SACS: variants seen among roughly 807,000 people sequenced by gnomAD.
SACS encodes sacsin molecular chaperone.
A neutral mutation model predicts 348.0 loss-of-function variants in SACS; 197 were observed. The observed-to-expected ratio is 0.57, with a 90% CI of 0.50 to 0.64. SACS has a LOEUF of 0.64. Ranked by LOEUF, SACS falls within the 30% of genes least tolerant of loss-of-function variation. The pLI is 0.00. For missense variants in SACS, 4,999 were observed against 5,360.8 expected (o/e 0.93, Z 2.11); for synonymous variants, 1,985 against 1,910.6 (o/e 1.04, Z -1.02).
chr13:23,430,563 C>T (rs1357571538), intron 1 of SACS, among the ~76,000 whole-genome samples: 1 of 152,032 alleles, frequency 6.6e-6, no homozygotes, highest in East Asian at 1.9e-4. Context: ...AGGAAAAAGG[C>T]TAAAGTAGTA....
At chr13:23,399,987 T>C (rs1264021426) in intron 2 of SACS, among the ~76,000 whole-genome samples, 1 of 152,214 alleles carries the variant, frequency 6.6e-6, no homozygotes, top group Non-Finnish European at 1.5e-5. Flanking sequence ...CTGACTGCTA[T>C]CGGCCAGGGG....
chr13:23,340,750 T>C lies in SACS; in HGVS notation c.3126A>G (p.Ile1042Met). Reference sequence around the variant, plus strand: ...CAGCTGATACCATCTGTTCCTGTGATATCTGGATGAATTTTAATGGTGTTA... The same window carrying C: ...CAGCTGATACCATCTGTTCCTGTGACATCTGGATGAATTTTAATGGTGTTA... ...EWLTPLKFIQISQEQMVSAGE... is the reference protein window; with the variant it reads ...EWLTPLKFIQMSQEQMVSAGE... The change falls in exon 10 of 10, where the codon ATA (isoleucine) becomes ATG (methionine). Residue 1042 changes from isoleucine (I) to methionine (M), a missense_variant. Coordinates refer to ENST00000382292, the MANE Select transcript of SACS (RefSeq NM_014363.6). 1.9e-6 allele frequency: 3 copies of C among 1,604,742 alleles called. No individual in the cohort carries two copies. The highest frequency in any genetic ancestry group is 1.7e-6 in the Non-Finnish European group (2 of 1,176,338).
At chr13:23,369,824 C>T (rs566176107) in intron 4 of SACS, among the ~76,000 whole-genome samples, 7 of 149,804 alleles carry the variant, frequency 4.7e-5, no homozygotes, top group East Asian at 2.0e-4. Context: ...AGATTACAGG[C>T]GTGAGCCACC....
In SACS at chr13:23,338,408, C is replaced by A. The variant is rs967386746; in HGVS notation, c.5468G>T (p.Cys1823Phe). 8.1e-6 allele frequency: 13 copies of A among 1,614,040 alleles called. No individual in the cohort carries two copies. Among genetic ancestry groups the A allele is most frequent in the Non-Finnish European group, 1.1e-5 (13 of 1,179,974 alleles). The change falls in exon 10 of 10, where the codon TGC becomes TTC. Residue 1823 changes from cysteine to phenylalanine, a missense_variant. Coordinates refer to ENST00000382292, the MANE Select transcript of SACS (RefSeq NM_014363.6). ...VECTTWLLCT[C>F]MDTGEALKFS... is the part of the protein sequence containing the mutation. ...CTTCAGAGCCTCTCCTGTGTCCATG[C>A]AAGTACACAGAAGCCACGTGGTACA...
intron 2 of SACS, among the ~76,000 whole-genome samples, chr13:23,384,349 T>A (rs532751994): frequency 3.9e-5 from 6 of 152,350 alleles, no homozygotes; most frequent in African/African-American, 1.4e-4. Context: ...CTCTTGTATG[T>A]CACTCTGTGT....
At chr13:23,368,026 T>C (rs914903610) in intron 5 of SACS, among the ~76,000 whole-genome samples, 1 of 152,222 alleles carries the variant, frequency 6.6e-6, no homozygotes, top group East Asian at 1.9e-4. Context: ...TGGGCATGCA[T>C]TCAAGCCTCT....
At position 23,337,506 on chromosome 13, in the gene SACS, A is replaced by G. The variant is rs1272504543; in HGVS notation, c.6370T>C (p.Phe2124Leu). 2.5e-6 allele frequency: 4 copies of G among 1,613,974 alleles called. No individual in the cohort carries two copies. Among genetic ancestry groups the G allele is most frequent in the Non-Finnish European group, 2.5e-6 (3 of 1,179,906 alleles). The change falls in exon 10 of 10, where the codon TTT (phenylalanine) becomes CTT (leucine). Residue 2124 changes from phenylalanine to leucine, a missense_variant. Phe to Leu is a conservative substitution (Grantham distance 22). This residue lies in a region of SACS where 3,156 missense variants were observed against 3,380.1 expected (regional missense o/e 0.93). Coordinates refer to ENST00000382292, the MANE Select transcript of SACS (RefSeq NM_014363.6). ...IHPEGRVAKLFDIKDGRFPYG... is the reference protein window; with the variant it reads ...IHPEGRVAKLLDIKDGRFPYG... The stretch of plus-strand genomic sequence containing the variant: ...GGGAATCTCCCATCTTTAATATCAA[A>G]TAACTTTGCAACTCGTCCTTCGGGG...
chr13:23,335,005 C>A lies in SACS; in HGVS notation c.8871G>T (p.Lys2957Asn). Residue 2957 changes from lysine (K) to asparagine (N), a missense_variant, in exon 10 of 10, where the codon AAG becomes AAT. By Grantham distance (94) the Lys-to-Asn change is moderately conservative. This residue lies in a region of SACS where 734 missense variants were observed against 694.0 expected (regional missense o/e 1.06). Coordinates refer to ENST00000382292, the MANE Select transcript of SACS (RefSeq NM_014363.6). This position sits in a 1 kb window ranked among gnomAD's most constrained non-coding sequence, Gnocchi z 4.7. ...TAACTGGGAAAAACGATAAAAACTT[C>A]TTTAAAGTGTCCTTTACAACATGAA... ...TPIHVVKDTL[K>N]KFLSFFPVNR... is the part of the protein sequence containing the mutation. 1.2e-6 allele frequency: 2 copies of A among 1,613,782 alleles called. No individual in the cohort carries two copies. Among genetic ancestry groups the A allele is most frequent in the Non-Finnish European group, 1.7e-6 (2 of 1,179,772 alleles).
At chr13:23,353,097 T>C (rs1339795808) in intron 9 of SACS, among the ~76,000 whole-genome samples, 1 of 152,192 alleles carries the variant, frequency 6.6e-6, no homozygotes, top group Non-Finnish European at 1.5e-5. Flanking sequence ...AGGAAAAGGA[T>C]GCTTGCAGAA....
intron 1 of SACS, among the ~76,000 whole-genome samples, chr13:23,422,662 C>CT (rs66714128): frequency 8.4e-5 from 12 of 143,496 alleles, no homozygotes; most frequent in Non-Finnish European, 1.4e-4. Flanking sequence ...TGTGGTGTTT[C>CT]TTTTTTTTTT....
intron 9 of SACS, among the ~76,000 whole-genome samples, chr13:23,343,640 C>T (rs534534070): frequency 1.3e-5 from 2 of 152,174 alleles, no homozygotes; most frequent in South Asian, 2.1e-4. Flanking sequence ...GCCGAGATTG[C>T]GCCACTGCAC....
At chr13:23,407,024 A>T (rs776007611) in intron 2 of SACS, among the ~76,000 whole-genome samples, 1 of 152,150 alleles carries the variant, frequency 6.6e-6, no homozygotes, top group Non-Finnish European at 1.5e-5. Context: ...AATAACCATG[A>T]CCGTGACACT....
intron 2 of SACS, among the ~76,000 whole-genome samples, chr13:23,383,142 T>C (rs1872135952): frequency 6.6e-6 from 1 of 152,178 alleles, no homozygotes; most frequent in Admixed American, 6.5e-5. Flanking sequence ...TCTGAAAATA[T>C]TATAGCTACA....
chr13:23,378,835 T>C (rs1191365138), intron 2 of SACS, among the ~76,000 whole-genome samples: 2 of 152,194 alleles, frequency 1.3e-5, no homozygotes, highest in Non-Finnish European at 2.9e-5. Flanking sequence ...TAGTGTATTT[T>C]AACAGAAGCT....
intron 6 of SACS, among the ~76,000 whole-genome samples, chr13:23,361,250 G>A (rs923735262): frequency 6.6e-6 from 1 of 152,188 alleles, no homozygotes; most frequent in Non-Finnish European, 1.5e-5. Flanking sequence ...TAAAGAAAAC[G>A]AGAAGTCGGG....
chr13:23,332,552 C>T lies in SACS; in HGVS notation c.11324G>A (p.Ser3775Asn), dbSNP rs1883552954. Residue 3775 changes from serine to asparagine, a missense_variant, in exon 10 of 10, where the codon AGC becomes AAC. Around this residue, in one of 6 missense-constraint regions of SACS, gnomAD observed 831 missense variants for 941.8 expected, o/e 0.88. Transcript: ENST00000382292. Reference protein sequence around the residue: ...MVKTRAKVLRSIYEFLSAEKR... With the variant: ...MVKTRAKVLRNIYEFLSAEKR... ...TTCTGCACTGAGGAATTCATATATG[C>T]TCCTTAAGACTTTTGCTCTAGTTTT... 1 of 1,613,800 alleles carries T rather than the reference C, an allele frequency of 6.2e-7. No homozygotes were observed. The highest frequency in any genetic ancestry group is 1.7e-5 in the Admixed American group (1 of 59,980).
At chr13:23,368,242 AGCTATACACT>A (rs982712218) in intron 5 of SACS, among the ~76,000 whole-genome samples, 150 bp downstream of exon 5, 8 of 152,220 alleles carry the variant, frequency 5.3e-5, no homozygotes, top group African/African-American at 1.9e-4. Flanking sequence ...TCTCAAATGG[AGCTATACACT>A]GCTATACACT....
At chr13:23,415,770 C>T (rs1163386373) in intron 1 of SACS, among the ~76,000 whole-genome samples, 2 of 151,838 alleles carry the variant, frequency 1.3e-5, no homozygotes, top group African/African-American at 4.8e-5. Context: ...AACCCAGTAC[C>T]ACAAATAGAG....
At chr13:23,350,102 T>A (rs566099627) in intron 9 of SACS, among the ~76,000 whole-genome samples, 1 of 152,208 alleles carries the variant, frequency 6.6e-6, no homozygotes, top group Non-Finnish European at 1.5e-5. Context: ...AGGAATGGTA[T>A]CATCATGGCT....
Sources: gnomAD v4.1 joint callset for allele counts (sites outside exome capture counted in the v4.1 genomes callset) on GRCh38, gnomAD v4.1.1 for gene constraint, gnomAD v4.1.1 regional missense constraint, Gnocchi (gnomAD v3.1) non-coding constraint, MANE v1.5 for transcripts, NCBI Gene and HGNC (gene_info 2026-07-23, HGNC 2026-07-21) for gene names.